FRMD8: variants seen among roughly 807,000 people sequenced by gnomAD.
FRMD8 encodes the protein FERM domain-containing protein 8.
In FRMD8, 37 loss-of-function variants were observed where a neutral mutation model predicts 54.2. The observed-to-expected ratio is 0.68, with a 90% CI of 0.53 to 0.90. The LOEUF (loss-of-function observed/expected upper bound fraction) is 0.90, where lower values mean the gene tolerates loss of function less well. Ranked by LOEUF, FRMD8 falls within the 40% of genes least tolerant of loss-of-function variation. The pLI is 0.00. For missense variants in FRMD8, 585 were observed against 653.7 expected (o/e 0.89, Z 1.15); for synonymous variants, 246 against 286.9 (o/e 0.86, Z 1.44).
chr11:65,372,595 A>G, the FRMD8 span, among the ~76,000 whole-genome samples: 4 of 151,940 alleles, frequency 2.6e-5, no homozygotes, highest in South Asian at 8.3e-4. Flanking sequence ...TTTTCATTTT[A>G]CTCCCTTGCT....
intron 2 of FRMD8, among the ~76,000 whole-genome samples, chr11:65,387,504 G>A (rs992922231): frequency 7.2e-5 from 11 of 152,142 alleles, no homozygotes; most frequent in Middle Eastern, 6.8e-3. Context: ...AAAGTGACAC[G>A]TTCACTTTCT....
Position 65,400,713 on chromosome 11 carries a change from C to T in FRMD8, c.928-11C>T. ...GGGGTCAAGCCTGGCTCTGTGTCTC[C>T]TGCTGGCCAGCATGTCCTGCTGGGC... On this transcript the variant is annotated splice_polypyrimidine_tract_variant and intron_variant, in intron 8 of 10. Transcript: ENST00000317568. The surrounding 1 kb of genome is among the most constrained non-coding windows in gnomAD (Gnocchi z 4.3). 1 of 1,571,566 alleles carries T rather than the reference C, an allele frequency of 6.4e-7. No homozygotes were observed. The highest frequency in any genetic ancestry group is 8.6e-7 in the Non-Finnish European group (1 of 1,160,262).
At chr11:65,379,742 C>A in the FRMD8 span, 12 of 1,366,364 alleles carry the variant, frequency 8.8e-6, no homozygotes, top group South Asian at 8.9e-5. Context: ...CCCAGGCCCC[C>A]CAAGGATCCC....
upstream of FRMD8, chr11:65,386,581 CG>C (rs1855733658): frequency 1.2e-5 from 2 of 164,508 alleles, no homozygotes; most frequent in South Asian, 1.6e-4. Flanking sequence ...TTGGCTCCCC[CG>C]GGTCGAAGGG....
At position 65,400,716 on chromosome 11, in the gene FRMD8, C is replaced by A. The variant is rs370817834; in HGVS notation, c.928-8C>A. On this transcript the variant is annotated splice_region_variant and splice_polypyrimidine_tract_variant and intron_variant, in intron 8 of 10. Transcript: ENST00000317568. This position sits in a 1 kb window ranked among gnomAD's most constrained non-coding sequence, Gnocchi z 4.3. Reference sequence around the variant, plus strand: ...GTCAAGCCTGGCTCTGTGTCTCCTGCTGGCCAGCATGTCCTGCTGGGCCTG... The same window carrying A: ...GTCAAGCCTGGCTCTGTGTCTCCTGATGGCCAGCATGTCCTGCTGGGCCTG... The A allele has an allele frequency of 5.0e-5, 79 of 1,574,206 alleles. No homozygotes were observed. The highest frequency in any genetic ancestry group is 5.9e-5 in the Non-Finnish European group (69 of 1,161,674).
the FRMD8 span, chr11:65,380,392 TA>T: frequency 1.1e-6 from 1 of 891,274 alleles, no homozygotes. Context: ...GACAAGGGAC[TA>T]AGACCCCAGG....
At chr11:65,397,053 C>A in intron 7 of FRMD8, 33 bp downstream of exon 7, 2 of 1,229,010 alleles carry the variant, frequency 1.6e-6, no homozygotes, top group African/African-American at 1.6e-5. Flanking sequence ...CCCCCACCCC[C>A]TCCGCAGGCT....
At chr11:65,376,277 G>A in the FRMD8 span, 1 of 1,187,076 alleles carries the variant, frequency 8.4e-7, no homozygotes. Context: ...ATCTGCGCGG[G>A]TGGGAGGCAC....
chr11:65,406,429 T>A (rs1368508015), intron 10 of FRMD8, among the ~76,000 whole-genome samples: 1 of 150,370 alleles, frequency 6.7e-6, no homozygotes, highest in Non-Finnish European at 1.5e-5. Flanking sequence ...CTCCTGACCT[T>A]GTGGTCCATC....
the FRMD8 span, among the ~76,000 whole-genome samples, chr11:65,370,458 T>C: frequency 6.6e-6 from 1 of 151,970 alleles, no homozygotes; most frequent in Non-Finnish European, 1.5e-5. Context: ...TCCCAGCACT[T>C]TGGGAGGCCG....
the FRMD8 span, chr11:65,376,107 G>C: frequency 2.1e-6 from 1 of 466,872 alleles, no homozygotes; most frequent in Non-Finnish European, 3.9e-6. Context: ...TGAAGGCACA[G>C]GACAGGAGCT....
intron 3 of FRMD8, among the ~76,000 whole-genome samples, chr11:65,393,139 C>T (rs1855875957): frequency 2.6e-5 from 4 of 152,178 alleles, no homozygotes; most frequent in South Asian, 2.1e-4. Flanking sequence ...GCAGTGATGA[C>T]GGGGAGGCCC....
intron 1 of FRMD8, 44 bp from the exon 2 acceptor site, chr11:65,386,993 C>T (rs142241454): frequency 7.1e-6 from 11 of 1,548,882 alleles, no homozygotes; most frequent in South Asian, 1.1e-5. Flanking sequence ...TCCAGCCCCC[C>T]ATCCCTGGCT....
At chr11:65,387,892 A>G (rs1855765465) in intron 2 of FRMD8, among the ~76,000 whole-genome samples, 3 of 151,806 alleles carry the variant, frequency 2.0e-5, no homozygotes, top group Admixed American at 6.6e-5. Flanking sequence ...GGCTGGGCGT[A>G]GTAGCTCACA....
intron 2 of FRMD8, among the ~76,000 whole-genome samples, chr11:65,388,179 AC>A (rs1217016014): frequency 6.6e-6 from 1 of 151,816 alleles, no homozygotes; most frequent in Non-Finnish European, 1.5e-5. Context: ...AAAAAAAAAA[AC>A]AGGGATCATA....
In FRMD8 at chr11:65,393,601, C is replaced by T. The variant is rs1384550984; in HGVS notation, c.282C>T (p.Pro94=). 2.5e-6 allele frequency: 4 copies of T among 1,608,924 alleles called. No individual in the cohort carries two copies. In the African/African-American group the frequency reaches 4.0e-5, roughly 16 times the overall value. Reference sequence around the variant, plus strand: ...TGCAGCTGAAACCCAAGCACCAGCCCTACAAGCTGGGACGCCAGTGGCCGG... The same window carrying T: ...TGCAGCTGAAACCCAAGCACCAGCCTTACAAGCTGGGACGCCAGTGGCCGG... ...LEVQLKPKHQ[P]YKLGRQWPEL... is the part of the protein sequence containing the mutation. Residue 94 remains proline, a synonymous_variant, in exon 4 of 11, where the codon CCC becomes CCT. Transcript: ENST00000317568.
intron 7 of FRMD8, among the ~76,000 whole-genome samples, chr11:65,398,493 C>T (rs1283680179): frequency 1.3e-5 from 2 of 152,360 alleles, no homozygotes; most frequent in East Asian, 3.9e-4. Flanking sequence ...GCCCTGGGCC[C>T]CCCAGCAAGG....
At chr11:65,387,187 G>A (rs754207805) in intron 2 of FRMD8, 66 bp downstream of exon 2, 5 of 1,254,106 alleles carry the variant, frequency 4.0e-6, no homozygotes, top group Non-Finnish European at 5.8e-6. Context: ...AAGTAGCTCT[G>A]GCTTGTCTTC....
chr11:65,369,808 G>C, the FRMD8 span, among the ~76,000 whole-genome samples: 1 of 149,134 alleles, frequency 6.7e-6, no homozygotes, highest in Non-Finnish European at 1.5e-5. Flanking sequence ...CGAGGCGGGC[G>C]GATCACCTGA....
Sources: gnomAD v4.1 joint callset for allele counts (sites outside exome capture counted in the v4.1 genomes callset) on GRCh38, gnomAD v4.1.1 for gene constraint, Gnocchi (gnomAD v3.1) non-coding constraint, MANE v1.5 for transcripts, NCBI Gene and HGNC (gene_info 2026-07-23, HGNC 2026-07-21) for gene names.